The following NELL1 variants were observed in gnomAD, a reference collection of about 807,000 sequenced individuals.
NELL1 encodes the protein neural EGFL like 1, also known as protein kinase C-binding protein NELL1.
A neutral mutation model predicts 107.4 loss-of-function variants in NELL1; 76 were observed. The observed-to-expected ratio is 0.71, with a 90% CI of 0.59 to 0.86. NELL1 has a LOEUF of 0.86. Among genes scored for constraint, NELL1 ranks in the 40% least tolerant of loss-of-function variants. The probability of loss-of-function intolerance (pLI) is 0.00; values close to 1 mark genes in which losing one functional copy is unlikely to be tolerated. For synonymous variants in NELL1, 353 were observed against 341.2 expected (o/e 1.03, Z -0.38); for missense variants, 1,024 against 1,005.5 (o/e 1.02, Z -0.25).
chr11:20,682,249 A>C (rs1190990207), intron 2 of NELL1, among the ~76,000 whole-genome samples: 1 of 152,026 alleles, frequency 6.6e-6, no homozygotes, highest in African/African-American at 2.4e-5. Flanking sequence ...CTGCATCTTT[A>C]ATTGTAACAT....
intron 2 of NELL1, among the ~76,000 whole-genome samples, chr11:20,693,187 C>A (rs565427504): frequency 6.6e-6 from 1 of 151,628 alleles, no homozygotes; most frequent in Admixed American, 6.6e-5. Flanking sequence ...TGTCTCTGCA[C>A]GTGAGATGGG....
At chr11:21,160,952 T>C (rs931783797) in intron 13 of NELL1, among the ~76,000 whole-genome samples, 7 of 151,760 alleles carry the variant, frequency 4.6e-5, no homozygotes, top group African/African-American at 1.7e-4. Flanking sequence ...GTAGAGTTCT[T>C]ATGGACTTGT....
intron 14 of NELL1, among the ~76,000 whole-genome samples, chr11:21,315,849 T>A (rs1849867410): frequency 7.5e-6 from 1 of 133,684 alleles, no homozygotes; most frequent in South Asian, 2.4e-4. Flanking sequence ...GGAATGACTT[T>A]ATTTGAATGT....
At chr11:21,038,865 AT>A (rs1853159254) in intron 12 of NELL1, among the ~76,000 whole-genome samples, 1 of 152,192 alleles carries the variant, frequency 6.6e-6, no homozygotes, top group Non-Finnish European at 1.5e-5. Flanking sequence ...TTTATTTCAG[AT>A]GATTTTTTTG....
At chr11:21,491,321 A>G (rs973004342) in intron 15 of NELL1, among the ~76,000 whole-genome samples, 6 of 152,112 alleles carry the variant, frequency 3.9e-5, no homozygotes, top group Admixed American at 6.5e-5. Flanking sequence ...TAGGGTTTCT[A>G]TGGTTTTAGG....
At chr11:21,499,195 T>A (rs1484036122) in intron 15 of NELL1, among the ~76,000 whole-genome samples, 3 of 151,904 alleles carry the variant, frequency 2.0e-5, no homozygotes, top group Non-Finnish European at 2.9e-5. Context: ...TTTTATACAA[T>A]TTTTTGTATG....
chr11:21,236,708 A>G (rs1390142138), intron 14 of NELL1, among the ~76,000 whole-genome samples: 1 of 152,108 alleles, frequency 6.6e-6, no homozygotes, highest in African/African-American at 2.4e-5. Context: ...CTGTTTGAAA[A>G]TCTTCTTTAT....
At chr11:21,109,134 C>T (rs1332407506) in intron 12 of NELL1, among the ~76,000 whole-genome samples, 2 of 152,032 alleles carry the variant, frequency 1.3e-5, no homozygotes, top group African/African-American at 4.8e-5. Flanking sequence ...CATGGAGATA[C>T]CTACCACGAG....
At chr11:21,170,764 C>G (rs1378077744) in intron 13 of NELL1, among the ~76,000 whole-genome samples, 3 of 150,264 alleles carry the variant, frequency 2.0e-5, no homozygotes, top group Admixed American at 2.0e-4. Flanking sequence ...TTTTATAAAA[C>G]AAGTGAAAAA....
chr11:21,053,380 C>G (rs1455916774), intron 12 of NELL1, among the ~76,000 whole-genome samples: 1 of 152,094 alleles, frequency 6.6e-6, no homozygotes, highest in Non-Finnish European at 1.5e-5. Flanking sequence ...GTTTGGTTTT[C>G]TGTTCTTGTG....
chr11:20,960,128 T>C (rs188852691), intron 11 of NELL1, among the ~76,000 whole-genome samples: 2 of 152,142 alleles, frequency 1.3e-5, no homozygotes, highest in East Asian at 3.9e-4. Context: ...AAAACAAAAT[T>C]ATAAAAAGAG....
chr11:21,347,015 T>C (rs976169009), intron 14 of NELL1, among the ~76,000 whole-genome samples: 4 of 152,342 alleles, frequency 2.6e-5, no homozygotes, highest in Non-Finnish European at 5.9e-5. Flanking sequence ...GCAAAAGTTA[T>C]GTGCTCTATA....
intron 14 of NELL1, among the ~76,000 whole-genome samples, chr11:21,337,354 A>G (rs769297635): frequency 1.4e-4 from 21 of 152,224 alleles, no homozygotes; most frequent in Admixed American, 2.6e-4. Flanking sequence ...TGTTGTTCTA[A>G]TGGTAAATCA....
intron 14 of NELL1, among the ~76,000 whole-genome samples, chr11:21,247,824 C>T (rs910514923): frequency 1.3e-5 from 2 of 152,184 alleles, no homozygotes; most frequent in Non-Finnish European, 2.9e-5. Flanking sequence ...ACCAGCATCA[C>T]CACAAACATG....
intron 2 of NELL1, among the ~76,000 whole-genome samples, chr11:20,698,373 T>C (rs78570611): frequency 0.035 from 5,353 of 152,248 alleles, 322 homozygotes; most frequent in African/African-American, 0.12. Context: ...CTTCTCTCAG[T>C]CATGCTCCTT....
intron 13 of NELL1, among the ~76,000 whole-genome samples, chr11:21,191,066 T>C (rs1857039054): frequency 6.6e-6 from 1 of 151,914 alleles, no homozygotes; most frequent in Non-Finnish European, 1.5e-5. Context: ...TGCTGCTTTC[T>C]AGCTATGTGT....
intron 12 of NELL1, among the ~76,000 whole-genome samples, chr11:21,066,610 A>G (rs937767484): frequency 6.6e-6 from 1 of 152,166 alleles, no homozygotes; most frequent in Non-Finnish European, 1.5e-5. Flanking sequence ...TAGAATGCCT[A>G]TCTTTCAGGA....
At chr11:21,399,487 A>G (rs537424445) in intron 15 of NELL1, among the ~76,000 whole-genome samples, 25 of 151,870 alleles carry the variant, frequency 1.6e-4, no homozygotes, top group African/African-American at 5.3e-4. Context: ...TAGCTTCTTC[A>G]CCTGTCAAGT....
chr11:21,343,037 G>A (rs1222500482), intron 14 of NELL1, among the ~76,000 whole-genome samples: 1 of 151,998 alleles, frequency 6.6e-6, no homozygotes, highest in Non-Finnish European at 1.5e-5. Flanking sequence ...CTGTCGCTTG[G>A]ACTATTCAAC....
Sources: gnomAD v4.1 joint callset for allele counts (sites outside exome capture counted in the v4.1 genomes callset) on GRCh38, gnomAD v4.1.1 for gene constraint, MANE v1.5 for transcripts, NCBI Gene and HGNC (gene_info 2026-07-23, HGNC 2026-07-21) for gene names.